Variants in RIC1 observed in about 807,000 individuals in gnomAD.
RIC1 encodes guanine nucleotide exchange factor subunit RIC1.
A neutral mutation model predicts 169.0 loss-of-function variants in RIC1; 88 were observed. The ratio of observed to expected loss-of-function variants is 0.52; its 90% CI spans 0.44 to 0.62. The LOEUF (loss-of-function observed/expected upper bound fraction) is 0.62, where lower values mean the gene tolerates loss of function less well. RIC1 is among the 20% of genes least tolerant of loss of function. The pLI is 0.00. For synonymous variants in RIC1, 790 were observed against 601.5 expected, an observed-to-expected ratio of 1.31 and a Z score of -4.59; for missense variants, 1,877 against 1,725.5, an observed-to-expected ratio of 1.09 and a Z score of -1.56.
At chr9:5,742,631 A>G (rs1331297671) in intron 8 of RIC1, among the ~76,000 whole-genome samples, 1 of 152,148 alleles carries the variant, frequency 6.6e-6, no homozygotes, top group African/African-American at 2.4e-5. Context: ...GTGACTAGAA[A>G]CAGCTTTCAC....
chr9:5,762,317 A>C (rs1826391230), intron 17 of RIC1, among the ~76,000 whole-genome samples: 1 of 152,116 alleles, frequency 6.6e-6, no homozygotes, highest in Non-Finnish European at 1.5e-5. Context: ...CCTCAATCTT[A>C]TGTCACTGGT....
intron 15 of RIC1, 32 bp from the exon 16 acceptor site, chr9:5,756,180 T>G (rs773480911): frequency 3.5e-6 from 5 of 1,440,434 alleles, no homozygotes; most frequent in Non-Finnish European, 4.6e-6. Context: ...TTATCTTGTT[T>G]TTATAATTTT....
At chr9:5,671,517 C>T (rs1820104994) in intron 2 of RIC1, among the ~76,000 whole-genome samples, 1 of 152,124 alleles carries the variant, frequency 6.6e-6, no homozygotes, top group African/African-American at 2.4e-5. Flanking sequence ...CTCAGGTGAC[C>T]CGCCTGCCCC....
chr9:5,638,955 C>T (rs1818104711), intron 1 of RIC1, among the ~76,000 whole-genome samples: 2 of 152,054 alleles, frequency 1.3e-5, no homozygotes, highest in African/African-American at 2.4e-5. Flanking sequence ...TCTCTTTATT[C>T]TCCAGGCTAG....
chr9:5,749,410 A>G (rs532931293), intron 12 of RIC1, among the ~76,000 whole-genome samples: 7 of 152,298 alleles, frequency 4.6e-5, no homozygotes, highest in East Asian at 1.9e-4. Context: ...CTTTTTAGCC[A>G]TTTATGATGA....
chr9:5,640,468 A>G (rs1818185214), intron 1 of RIC1, among the ~76,000 whole-genome samples: 3 of 152,124 alleles, frequency 2.0e-5, no homozygotes, highest in Non-Finnish European at 4.4e-5. Context: ...GTCTTACTGT[A>G]CTATGTCTTG....
chr9:5,665,186 C>T (rs1007940764), intron 2 of RIC1, among the ~76,000 whole-genome samples: 2 of 151,900 alleles, frequency 1.3e-5, no homozygotes, highest in Non-Finnish European at 2.9e-5. Context: ...CTTTTTTGAT[C>T]TTGTAGTGTG....
At chr9:5,766,822 T>C (rs1213725767) in intron 21 of RIC1, among the ~76,000 whole-genome samples, 2 of 152,252 alleles carry the variant, frequency 1.3e-5, no homozygotes, top group Non-Finnish European at 2.9e-5. Context: ...TGCAAGTATC[T>C]TTTTTGAATG....
At chr9:5,753,799 A>T (rs1825852213) in intron 14 of RIC1, among the ~76,000 whole-genome samples, 153 bp downstream of exon 14, 1 of 152,228 alleles carries the variant, frequency 6.6e-6, no homozygotes, top group South Asian at 2.1e-4. Flanking sequence ...AATATGTAAG[A>T]TTTGATTCTG....
chr9:5,721,037 A>G (rs1444038765), intron 6 of RIC1, among the ~76,000 whole-genome samples: 1 of 151,880 alleles, frequency 6.6e-6, no homozygotes, highest in African/African-American at 2.4e-5. Context: ...AATCTCCACT[A>G]CTCTGAATAT....
intron 2 of RIC1, among the ~76,000 whole-genome samples, chr9:5,679,515 T>C (rs767676152): frequency 5.3e-5 from 8 of 152,202 alleles, no homozygotes; most frequent in African/African-American, 1.7e-4. Context: ...TTTTATTTCA[T>C]TGGGCAGTGC....
At chr9:5,639,658 G>C (rs1168386746) in intron 1 of RIC1, among the ~76,000 whole-genome samples, 1 of 152,224 alleles carries the variant, frequency 6.6e-6, no homozygotes, top group Non-Finnish European at 1.5e-5. Flanking sequence ...CTGTCTGGGA[G>C]TTGGGTTCAG....
Position 5,763,464 on chromosome 9 carries a change from G to A in RIC1, c.2437G>A (p.Val813Met), listed in dbSNP as rs1350288623. 1 of 1,614,138 alleles carries A rather than the reference G, an allele frequency of 6.2e-7. No homozygotes were observed. The highest frequency in any genetic ancestry group is 1.3e-5 in the African/African-American group (1 of 75,024). Residue 813 changes from valine to methionine, a missense_variant, in exon 19 of 26, where the codon GTG (valine) becomes ATG (methionine). Transcript: ENST00000414202. The surrounding 1 kb of genome is among the most constrained non-coding windows in gnomAD (Gnocchi z 5.2). Reference protein sequence around the residue: ...TRNNAREQLEVLFPFCVVERT... With the variant: ...TRNNAREQLEMLFPFCVVERT... The stretch of plus-strand genomic sequence containing the variant: ...GAACAATGCTAGAGAACAGCTGGAG[G>A]TGCTCTTCCCTTTCTGTGTTGTGGA...
At chr9:5,728,225 A>G (rs1369862692) in intron 6 of RIC1, among the ~76,000 whole-genome samples, 1 of 152,162 alleles carries the variant, frequency 6.6e-6, no homozygotes, top group African/African-American at 2.4e-5. Context: ...TTGTTTACCT[A>G]TTCAAGCCTT....
At chr9:5,762,804 G>T in intron 18 of RIC1, 144 bp downstream of exon 18, 1 of 1,063,492 alleles carries the variant, frequency 9.4e-7, no homozygotes, top group Non-Finnish European at 1.3e-6. Context: ...GCCTCTGGGT[G>T]TAAGACTGAC....
At chr9:5,656,555 CA>C in intron 1 of RIC1, 27 bp from the exon 2 acceptor site, 1 of 1,075,974 alleles carries the variant, frequency 9.3e-7, no homozygotes, top group Non-Finnish European at 1.3e-6. Context: ...ATAAAAAATA[CA>C]ACTTTTTTTT....
At position 5,775,806 on chromosome 9, in the gene RIC1, A is replaced by G. The variant is rs960989329; in HGVS notation, c.*1560A>G. The G allele has an allele frequency of 6.6e-6, 1 of 152,222 alleles. No individual in the cohort carries two copies. The allele number at this position is 152,222 out of a possible 1,614,324, so 9.4% of individuals were successfully genotyped here. A position where few individuals can be genotyped will look rare whatever the true frequency, so the allele number is the denominator to read the frequency against. On this transcript the variant is annotated 3_prime_UTR_variant, in exon 26 of 26. Coordinates refer to ENST00000414202, the MANE Select transcript of RIC1 (RefSeq NM_020829.4). ...ATTACAAGTGCAATAATATTTCACA[A>G]AATGAAACTCCCGAATGGGTGGAGT...
intron 7 of RIC1, among the ~76,000 whole-genome samples, chr9:5,737,090 C>T (rs1205974222): frequency 6.6e-6 from 1 of 152,104 alleles, no homozygotes; most frequent in Non-Finnish European, 1.5e-5. Flanking sequence ...TTCTCTTTCT[C>T]ACTATAAATG....
chr9:5,629,299 C>T lies in RIC1; in HGVS notation c.-11C>T, dbSNP rs1037802033. ...GACGCAACTGGGGGCGCCGGGGGCT[C>T]CGCACGGACCATGTATTTTCTGAGC... On this transcript the variant is annotated 5_prime_UTR_variant, in exon 1 of 26. Transcript: ENST00000414202. 1 of 1,501,546 alleles carries T rather than the reference C, an allele frequency of 6.7e-7. No individual in the cohort carries two copies. The highest frequency in any genetic ancestry group is 1.4e-5 in the African/African-American group (1 of 69,940). The allele number at this position is 1,501,546 out of a possible 1,614,324, so 93.0% of individuals were successfully genotyped here.
Sources: gnomAD v4.1 joint callset for allele counts (sites outside exome capture counted in the v4.1 genomes callset) on GRCh38, gnomAD v4.1.1 for gene constraint, Gnocchi (gnomAD v3.1) non-coding constraint, MANE v1.5 for transcripts, NCBI Gene and HGNC (gene_info 2026-07-23, HGNC 2026-07-21) for gene names.